Variants in PAH observed in about 807,000 individuals in gnomAD.
PAH encodes the protein phenylalanine-4-hydroxylase.
PAH carries 64 observed loss-of-function variants against 62.0 expected under a neutral mutation model. The ratio of observed to expected loss-of-function variants is 1.03; its 90% confidence interval spans 0.84 to 1.27. PAH has a LOEUF of 1.27. PAH is among the 50% of genes most tolerant of loss of function. PAH has a pLI of 0.00. For missense variants in PAH, 579 were observed against 542.8 expected, an observed-to-expected ratio of 1.07 and a Z score of -0.66; for synonymous variants, 195 against 196.2, an observed-to-expected ratio of 0.99 and a Z score of 0.05.
intron 10 of PAH, 102 bp from the exon 11 acceptor site, chr12:102,843,881 G>A (rs751688151): frequency 1.4e-4 from 179 of 1,291,230 alleles, no homozygotes; most frequent in South Asian, 2.5e-4. Flanking sequence ...ATCTCACCCC[G>A]ATTCCTTCTA....
chr12:102,839,504 T>G lies in PAH; in HGVS notation c.1316-286A>C, dbSNP rs149326804. 6.4e-4 allele frequency among the ~76,000 whole-genome samples: 98 copies of G among 152,346 alleles called. No individual in the cohort carries two copies. The East Asian group carries it at 0.016, about 25-fold the overall frequency. The stretch of plus-strand genomic sequence containing the variant: ...ATCATTAGCTGTTCCATTTCTCTTT[T>G]ACATTACCATCTGCATATGCTACAA... On this transcript the variant is annotated intron_variant, in intron 12 of 12. Coordinates refer to ENST00000553106, the MANE Select transcript of PAH (RefSeq NM_000277.3).
At chr12:102,865,963 G>C (rs1271328242) in intron 5 of PAH, among the ~76,000 whole-genome samples, 1 of 151,984 alleles carries the variant, frequency 6.6e-6, no homozygotes, top group Admixed American at 6.6e-5. Context: ...TCCCATGGTG[G>C]CATTTCTGTA....
upstream of PAH, among the ~76,000 whole-genome samples, chr12:102,954,230 C>T (rs1426288180): frequency 6.6e-6 from 1 of 152,200 alleles, no homozygotes; most frequent in African/African-American, 2.4e-5. Flanking sequence ...TTACTATCTC[C>T]ATCATCTTAA....
chr12:102,862,602 G>A (rs1380213508), intron 5 of PAH, among the ~76,000 whole-genome samples: 2 of 152,098 alleles, frequency 1.3e-5, no homozygotes, highest in African/African-American at 2.4e-5. Context: ...AACCACCTGG[G>A]AATGAACTGT....
intron 1 of PAH, chr12:102,923,493 T>C (rs1386741032): frequency 6.6e-6 from 1 of 152,130 alleles, no homozygotes; most frequent in Admixed American, 6.5e-5. Context: ...CCAAGAACAT[T>C]TATAAATTTA....
chr12:102,840,800 A>G (rs1874564023), intron 11 of PAH, among the ~76,000 whole-genome samples: 1 of 152,208 alleles, frequency 6.6e-6, no homozygotes, highest in Admixed American at 6.5e-5. Context: ...TACTGAATAC[A>G]ATAAAGCCAC....
At chr12:102,935,141 C>G (rs918832684) in intron 1 of PAH, among the ~76,000 whole-genome samples, 1 of 151,956 alleles carries the variant, frequency 6.6e-6, no homozygotes, top group Non-Finnish European at 1.5e-5. Context: ...TTTTCAGCAT[C>G]AGTTGAAATG....
chr12:102,849,258 C>T (rs1005252878), intron 8 of PAH, among the ~76,000 whole-genome samples: 1 of 152,082 alleles, frequency 6.6e-6, no homozygotes, highest in Non-Finnish European at 1.5e-5. Flanking sequence ...GCTGGAAGGG[C>T]GGAATTCCTA....
intron 4 of PAH, among the ~76,000 whole-genome samples, chr12:102,871,137 A>G (rs189452407): frequency 1.3e-5 from 2 of 152,232 alleles, no homozygotes; most frequent in East Asian, 3.9e-4. Flanking sequence ...CCCAAATTAT[A>G]TTTATAAAGT....
At chr12:102,865,510 A>T (rs891235921) in intron 5 of PAH, among the ~76,000 whole-genome samples, 1 of 152,206 alleles carries the variant, frequency 6.6e-6, no homozygotes, top group Non-Finnish European at 1.5e-5. Flanking sequence ...GACACACAGC[A>T]AGAAGATAAT....
chr12:102,895,880 A>G (rs1213820663), intron 2 of PAH, among the ~76,000 whole-genome samples: 1 of 146,716 alleles, frequency 6.8e-6, no homozygotes, highest in Non-Finnish European at 1.5e-5. Context: ...ATATATATAT[A>G]TATATATATA....
intron 3 of PAH, among the ~76,000 whole-genome samples, chr12:102,886,535 T>C (rs1381314144): frequency 6.6e-6 from 1 of 152,154 alleles, no homozygotes; most frequent in Non-Finnish European, 1.5e-5. Context: ...GAGCTCACCA[T>C]TGCATTGAGA....
In PAH at chr12:102,903,020, G is replaced by A. The variant is rs564610733; in HGVS notation, c.169-8102C>T. 9.2e-5 allele frequency among the ~76,000 whole-genome samples: 14 copies of A among 152,284 alleles called. No individual in the cohort carries two copies. The South Asian group carries it at 2.7e-3, about 29-fold the overall frequency. ...TAGAGAAAAGAACTGTCTTTTCTTTGTGTTTCTTTTCCTATACCACCAAAT... is the reference window on the plus strand; with the variant it reads ...TAGAGAAAAGAACTGTCTTTTCTTTATGTTTCTTTTCCTATACCACCAAAT... On this transcript the variant is annotated intron_variant, in intron 2 of 12. Transcript: ENST00000553106.
intron 2 of PAH, chr12:102,904,608 C>T (rs1355070306): frequency 7.9e-6 from 2 of 253,430 alleles, no homozygotes; most frequent in Non-Finnish European, 1.7e-5. Flanking sequence ...CAGATTTTGA[C>T]AGAATATTAT....
At chr12:102,873,764 A>G (rs1876455113) in intron 4 of PAH, among the ~76,000 whole-genome samples, 1 of 152,208 alleles carries the variant, frequency 6.6e-6, no homozygotes, top group African/African-American at 2.4e-5. Context: ...TATTTCATTA[A>G]AAAGAGTTCC....
chr12:102,853,028 A>G, intron 6 of PAH, 78 bp from the exon 7 acceptor site: 1 of 1,496,646 alleles, frequency 6.7e-7, no homozygotes, highest in Non-Finnish European at 9.2e-7. Flanking sequence ...TAGGTAGTGG[A>G]GTAGTACACA....
At chr12:102,890,454 C>A (rs765810794) in intron 3 of PAH, among the ~76,000 whole-genome samples, 1 of 152,208 alleles carries the variant, frequency 6.6e-6, no homozygotes, top group Non-Finnish European at 1.5e-5. Flanking sequence ...GAAACTACCA[C>A]AGAAACCCAA....
At chr12:102,954,805 TAGA>T (rs1361040501), upstream of PAH, among the ~76,000 whole-genome samples, 1 of 152,164 alleles carries the variant, frequency 6.6e-6, no homozygotes, top group Non-Finnish European at 1.5e-5. Flanking sequence ...ACTCTCTTGG[TAGA>T]ATCCCCAAGG....
At chr12:102,928,060 G>A (rs1389324388) in intron 1 of PAH, among the ~76,000 whole-genome samples, 1 of 152,088 alleles carries the variant, frequency 6.6e-6, no homozygotes, top group Non-Finnish European at 1.5e-5. Flanking sequence ...AATTAATTCA[G>A]CACTTAGTTA....
Sources: gnomAD v4.1 joint callset for allele counts (sites outside exome capture counted in the v4.1 genomes callset) on GRCh38, gnomAD v4.1.1 for gene constraint, MANE v1.5 for transcripts, NCBI Gene and HGNC (gene_info 2026-07-23, HGNC 2026-07-21) for gene names.